CNTNAP2: variants seen among roughly 807,000 people sequenced by gnomAD.
The protein encoded by CNTNAP2 is contactin associated protein 2, also known as contactin-associated protein-like 2.
A neutral mutation model predicts 155.2 loss-of-function variants in CNTNAP2; 98 were observed. The ratio of observed to expected loss-of-function variants is 0.63; its 90% CI spans 0.54 to 0.75. The LOEUF (loss-of-function observed/expected upper bound fraction) is 0.75. CNTNAP2 is among the 30% of genes least tolerant of loss of function. The pLI, the probability that CNTNAP2 is intolerant of heterozygous loss-of-function variation, is 0.00. For synonymous variants in CNTNAP2, 651 were observed against 631.2 expected, an observed-to-expected ratio of 1.03 and a Z score of -0.47; for missense variants, 1,727 against 1,688.1, an observed-to-expected ratio of 1.02 and a Z score of -0.40.
At chr7:147,987,097 A>G (rs1472720041) in intron 15 of CNTNAP2, among the ~76,000 whole-genome samples, 1 of 152,104 alleles carries the variant, frequency 6.6e-6, no homozygotes, top group East Asian at 1.9e-4. Flanking sequence ...AAATAGTGAA[A>G]TTTTCAGGAT....
chr7:146,434,000 C>T (rs1331249443), intron 1 of CNTNAP2, among the ~76,000 whole-genome samples: 1 of 152,066 alleles, frequency 6.6e-6, no homozygotes, highest in East Asian at 1.9e-4. Flanking sequence ...TCTTTACTTT[C>T]TTCCAGAAAA....
At position 147,903,657 on chromosome 7, in the gene CNTNAP2, G is replaced by A. The variant is rs369867547; in HGVS notation, c.2191G>A (p.Gly731Ser). 1.4e-5 allele frequency: 22 copies of A among 1,613,924 alleles called. No homozygotes were observed. Among genetic ancestry groups the A allele is most frequent in the East Asian group, 1.3e-4 (6 of 44,856 alleles). The change falls in exon 14 of 24, where the codon GGC becomes AGC. Residue 731 changes from glycine to serine, a missense_variant. Gly to Ser is a moderately conservative substitution (Grantham distance 56). Transcript: ENST00000361727. ...SGPGIQKCAC[G>S]IERNCTDPKY... The stretch of plus-strand genomic sequence containing the variant: ...GCCTGGAATCCAGAAATGTGCCTGC[G>A]GCATCGAACGCAACTGCACAGATCC...
intron 1 of CNTNAP2, among the ~76,000 whole-genome samples, chr7:146,396,235 T>C (rs1482984315): frequency 6.6e-6 from 1 of 152,144 alleles, no homozygotes; most frequent in Non-Finnish European, 1.5e-5. Flanking sequence ...TGTGTTCTTT[T>C]CCTTTCAGAA....
At chr7:148,381,436 G>A (rs1196436003) in intron 21 of CNTNAP2, 1 of 152,268 alleles carries the variant, frequency 6.6e-6, no homozygotes, top group African/African-American at 2.4e-5. Context: ...TTGAAAAGGG[G>A]ATGGAGAGGG....
At chr7:146,644,483 C>A (rs1209508344) in intron 1 of CNTNAP2, among the ~76,000 whole-genome samples, 4 of 152,102 alleles carry the variant, frequency 2.6e-5, no homozygotes, top group African/African-American at 7.2e-5. Flanking sequence ...GTTGAACCAG[C>A]CTTGCATCCC....
At chr7:146,276,069 C>T (rs973839680) in intron 1 of CNTNAP2, among the ~76,000 whole-genome samples, 3 of 152,172 alleles carry the variant, frequency 2.0e-5, no homozygotes, top group Non-Finnish European at 4.4e-5. Context: ...TGAATGCAAA[C>T]ATGCTAACCA....
chr7:147,577,527 A>G (rs1224661066), intron 12 of CNTNAP2, among the ~76,000 whole-genome samples: 1 of 151,812 alleles, frequency 6.6e-6, no homozygotes, highest in East Asian at 2.0e-4. Context: ...CTACTTGTGT[A>G]TACAAAGGCT....
At chr7:146,227,740 G>C (rs958474999) in intron 1 of CNTNAP2, among the ~76,000 whole-genome samples, 1 of 152,126 alleles carries the variant, frequency 6.6e-6, no homozygotes, top group Non-Finnish European at 1.5e-5. Flanking sequence ...GGATAATAGA[G>C]AGAGGGAGAA....
chr7:146,205,431 A>T (rs890283858), intron 1 of CNTNAP2, among the ~76,000 whole-genome samples: 26 of 152,036 alleles, frequency 1.7e-4, no homozygotes, highest in African/African-American at 2.9e-4. Context: ...GATTTTTTTT[A>T]AAAATGTGTA....
chr7:148,098,442 C>G (rs899119234), intron 15 of CNTNAP2, among the ~76,000 whole-genome samples: 4 of 12,192 alleles, frequency 3.3e-4, no homozygotes, highest in Admixed American at 1.4e-3. Context: ...GACTCTGTCT[C>G]AGAAAAAAAA....
chr7:148,174,494 G>A (rs1794899253), intron 18 of CNTNAP2, among the ~76,000 whole-genome samples: 1 of 152,172 alleles, frequency 6.6e-6, no homozygotes, highest in Non-Finnish European at 1.5e-5. Context: ...GCCGAAGAAT[G>A]AGCTCCATGC....
chr7:147,074,092 C>A (rs1313656464), intron 4 of CNTNAP2, among the ~76,000 whole-genome samples: 1 of 152,152 alleles, frequency 6.6e-6, no homozygotes, highest in Non-Finnish European at 1.5e-5. Context: ...GAATTTATTT[C>A]ATTCTATTCA....
At chr7:147,790,535 A>G (rs900330701) in intron 13 of CNTNAP2, among the ~76,000 whole-genome samples, 2 of 152,110 alleles carry the variant, frequency 1.3e-5, no homozygotes, top group African/African-American at 2.4e-5. Context: ...TCTCTACGCT[A>G]CTCTATCCCC....
chr7:148,024,935 A>G (rs996070554), intron 15 of CNTNAP2, among the ~76,000 whole-genome samples: 1 of 152,206 alleles, frequency 6.6e-6, no homozygotes, highest in African/African-American at 2.4e-5. Flanking sequence ...TCTAACAGTG[A>G]GAGGAATCTC....
chr7:147,276,878 A>T (rs17170387), intron 8 of CNTNAP2, among the ~76,000 whole-genome samples: 1 of 152,048 alleles, frequency 6.6e-6, no homozygotes, highest in African/African-American at 2.4e-5. Context: ...TTGGAATACA[A>T]TGTGCAATGC....
chr7:148,119,349 C>T (rs1804548538), intron 16 of CNTNAP2, among the ~76,000 whole-genome samples: 1 of 146,126 alleles, frequency 6.8e-6, no homozygotes, highest in Non-Finnish European at 1.5e-5. Context: ...CAGTGAAACC[C>T]CATCTCTACT....
chr7:146,213,519 G>T (rs1799068003), intron 1 of CNTNAP2, among the ~76,000 whole-genome samples: 1 of 152,196 alleles, frequency 6.6e-6, no homozygotes, highest in African/African-American at 2.4e-5. Flanking sequence ...GAATATGTGA[G>T]ATTGTTGTAT....
chr7:146,671,238 T>C (rs1222317544), intron 1 of CNTNAP2, among the ~76,000 whole-genome samples: 6 of 152,184 alleles, frequency 3.9e-5, no homozygotes, highest in African/African-American at 1.2e-4. Context: ...ATGAGTTACA[T>C]AGGAGGTTTC....
intron 13 of CNTNAP2, among the ~76,000 whole-genome samples, chr7:147,735,488 T>C (rs972669945): frequency 6.6e-6 from 1 of 152,194 alleles, no homozygotes; most frequent in Non-Finnish European, 1.5e-5. Flanking sequence ...CTGAGAAGAA[T>C]GTATATTCTG....
Sources: gnomAD v4.1 joint callset for allele counts (sites outside exome capture counted in the v4.1 genomes callset) on GRCh38, gnomAD v4.1.1 for gene constraint, MANE v1.5 for transcripts, NCBI Gene and HGNC (gene_info 2026-07-23, HGNC 2026-07-21) for gene names.